ZNF565: variants seen among roughly 807,000 people sequenced by gnomAD.
ZNF565 encodes zinc finger protein 565.
In ZNF565, 27 loss-of-function variants were observed where a neutral mutation model predicts 39.4. The ratio of observed to expected loss-of-function variants is 0.69; its 90% CI spans 0.51 to 0.95. The LOEUF (loss-of-function observed/expected upper bound fraction) is 0.95, where lower values mean the gene tolerates loss of function less well. ZNF565 is among the 40% of genes least tolerant of loss of function. The probability of loss-of-function intolerance (pLI) is 0.00; values close to 1 mark genes in which losing one functional copy is unlikely to be tolerated. For synonymous variants in ZNF565, 185 were observed against 216.6 expected (o/e 0.85, Z 1.28); for missense variants, 524 against 621.1 (o/e 0.84, Z 1.66).
At chr19:36,226,311 G>T (rs531950263) in intron 1 of ZNF565, among the ~76,000 whole-genome samples, 1 of 152,222 alleles carries the variant, frequency 6.6e-6, no homozygotes, top group Middle Eastern at 3.4e-3. Flanking sequence ...TGTATGTTTC[G>T]GTTTAAATCA....
At chr19:36,219,060 G>T (rs533484165), upstream of ZNF565, among the ~76,000 whole-genome samples, 1 of 146,894 alleles carries the variant, frequency 6.8e-6, no homozygotes, top group Non-Finnish European at 1.5e-5. Flanking sequence ...CGCCCACCTC[G>T]GCCTCCCAAA....
rs554967963 is a variant in ZNF565 at position 36,202,410 on chromosome 19, A to C, written c.-65-360T>G. ...ACAAAACAACAACAACAACAACAAA[A>C]AAAAACTGCAGAGTTAAGAAAACCC... On this transcript the variant is annotated intron_variant, in intron 1 of 4. Transcript: ENST00000304116. Among the ~76,000 whole-genome samples the C allele has an allele frequency of 8.5e-3, 1,288 of 152,198 alleles. 9 individuals are homozygous for C. Among genetic ancestry groups the C allele is most frequent in the Non-Finnish European group, 0.012 (838 of 68,012 alleles).
At chr19:36,222,919 A>G (rs1170010298) in intron 1 of ZNF565, among the ~76,000 whole-genome samples, 3 of 150,068 alleles carry the variant, frequency 2.0e-5, no homozygotes, top group Non-Finnish European at 4.4e-5. Context: ...AGCCGTGCTT[A>G]GAATGAGCCC....
chr19:36,237,441 A>G (rs1373565187), intron 1 of ZNF565: 1 of 1,267,474 alleles, frequency 7.9e-7, no homozygotes, highest in Non-Finnish European at 1.1e-6. Context: ...ACAAGTACTA[A>G]AAACTTAAGG....
intron 1 of ZNF565, among the ~76,000 whole-genome samples, chr19:36,214,385 C>G (rs1460577455): frequency 6.6e-6 from 1 of 152,144 alleles, no homozygotes; most frequent in Non-Finnish European, 1.5e-5. Flanking sequence ...CGCAGTATCA[C>G]CCCCGGTCAC....
rs572344058 is a variant in ZNF565 at position 36,182,893 on chromosome 19, G to A, written c.1073C>T (p.Ser358Phe). 8.1e-6 allele frequency: 13 copies of A among 1,614,104 alleles called. No homozygotes were observed. In the South Asian group the frequency reaches 1.4e-4, roughly 18 times the overall value. The change falls in exon 5 of 5, where the codon TCT becomes TTT. Residue 358 changes from serine (S) to phenylalanine (F), a missense_variant. By Grantham distance (155) the Ser-to-Phe change is radical. Transcript: ENST00000304116. ...SEVTRHQRIH[S>F]GEKPYECKEC... ...CTTACACTCATAGGGTTTCTCCCCA[G>A]AATGAATTCTTTGATGTCGAGTAAC...
intron 3 of ZNF565, 41 bp from the exon 4 acceptor site, chr19:36,194,369 C>A: frequency 6.7e-7 from 1 of 1,495,828 alleles, no homozygotes; most frequent in Non-Finnish European, 9.1e-7. Context: ...CAGACCGCTC[C>A]AAAATCCAAA....
chr19:36,203,159 A>AC (rs989159748), intron 1 of ZNF565, among the ~76,000 whole-genome samples: 1 of 151,572 alleles, frequency 6.6e-6, no homozygotes, highest in Non-Finnish European at 1.5e-5. Flanking sequence ...ACATGGAGAA[A>AC]CCCCGTCTCA....
Position 36,182,654 on chromosome 19 carries a change from G to A in ZNF565, c.1312C>T (p.Gln438Ter), listed in dbSNP as rs745749169. 2 of 1,614,120 alleles carry A rather than the reference G, an allele frequency of 1.2e-6. No homozygotes were observed. Among genetic ancestry groups the A allele is most frequent in the Non-Finnish European group, 1.7e-6 (2 of 1,179,980 alleles). Residue 438 changes from glutamine (Q) to a stop codon, truncating the protein, a stop_gained, in exon 5 of 5, where the codon CAG becomes TAG. Coordinates refer to ENST00000304116, the MANE Select transcript of ZNF565 (RefSeq NM_152477.5). LOFTEE classifies it high-confidence loss of function. ...GGTTTCTCACAAGTGTGAATTCGCT[G>A]ATGATGAGTCAGTTGTGAAACACGA... Reference protein sequence around the residue: ...FIRVSQLTHHQRIHTCEKPYE... With the variant: ...FIRVSQLTHH
chr19:36,187,447 T>G (rs1378789705), intron 4 of ZNF565, among the ~76,000 whole-genome samples: 1 of 150,528 alleles, frequency 6.6e-6, no homozygotes, highest in East Asian at 2.0e-4. Context: ...TTGCAAGCTC[T>G]GCCTCCCGGA....
At chr19:36,236,541 A>G in intron 1 of ZNF565, 1 of 1,614,228 alleles carries the variant, frequency 6.2e-7, no homozygotes, top group Non-Finnish European at 8.5e-7. Context: ...CTCACTGAGC[A>G]TGAGCATTTT....
At chr19:36,221,729 ATGTCT>A (rs2145408216) in intron 1 of ZNF565, among the ~76,000 whole-genome samples, 1 of 151,734 alleles carries the variant, frequency 6.6e-6, no homozygotes, top group East Asian at 1.9e-4. Flanking sequence ...TTATGTAAAC[ATGTCT>A]TGTTTTTTTT....
chr19:36,236,223 A>G (rs1312975946), intron 1 of ZNF565: 2 of 511,332 alleles, frequency 3.9e-6, no homozygotes, highest in African/African-American at 2.0e-5. Context: ...TTCATTGAAT[A>G]TTAGAAAATT....
At chr19:36,199,532 G>C (rs1368905977) in intron 2 of ZNF565, among the ~76,000 whole-genome samples, 2 of 124,686 alleles carry the variant, frequency 1.6e-5, no homozygotes, top group Admixed American at 1.8e-4. Context: ...TTTTGAGACA[G>C]GGTCTAAGTC....
chr19:36,211,622 T>A (rs1216716452), intron 1 of ZNF565, among the ~76,000 whole-genome samples: 1 of 150,346 alleles, frequency 6.7e-6, no homozygotes, highest in African/African-American at 2.5e-5. Flanking sequence ...TGAAACCCCA[T>A]CTCTACTAAA....
At chr19:36,231,414 G>A (rs1399512159) in intron 1 of ZNF565, among the ~76,000 whole-genome samples, 3 of 152,114 alleles carry the variant, frequency 2.0e-5, no homozygotes, top group African/African-American at 4.8e-5. Context: ...TCACCATGTT[G>A]GCCAGGCTGG....
intron 1 of ZNF565, among the ~76,000 whole-genome samples, chr19:36,207,640 A>G (rs1192266031): frequency 6.6e-6 from 1 of 152,122 alleles, no homozygotes; most frequent in Non-Finnish European, 1.5e-5. Flanking sequence ...TGTGGAAGAC[A>G]TTACTATGTT....
In ZNF565 at chr19:36,183,007, G is replaced by A; in HGVS notation, c.959C>T (p.Ser320Leu). 1 of 1,614,168 alleles carries A rather than the reference G, an allele frequency of 6.2e-7. No homozygotes were observed. Among genetic ancestry groups the A allele is most frequent in the East Asian group, 2.2e-5 (1 of 44,882 alleles). Residue 320 changes from serine (S) to leucine (L), a missense_variant, in exon 5 of 5, where the codon TCA (serine) becomes TTA (leucine). By Grantham distance (145) the Ser-to-Leu change is moderately radical (BLOSUM62 -2). Coordinates refer to ENST00000304116, the MANE Select transcript of ZNF565 (RefSeq NM_152477.5). ...GATTCGCTGGTGTACAGTCAGCTGT[G>A]AGTGCTGTCTAAAGGCTTTCCCGCA... ...KECGKAFRQHSQLTVHQRIHT... is the reference protein window; with the variant it reads ...KECGKAFRQHLQLTVHQRIHT...
In ZNF565 at chr19:36,183,715, T is replaced by C; in HGVS notation, c.251A>G (p.Glu84Gly). The C allele has an allele frequency of 6.2e-7, 1 of 1,612,230 alleles. No individual in the cohort carries two copies. The change falls in exon 5 of 5, where the codon GAG becomes GGG. Residue 84 changes from glutamate to glycine, a missense_variant. Physicochemically the swap from Glu to Gly is moderately conservative, Grantham distance 98. Transcript: ENST00000304116. ...AAAAATGTCTTTTTGTAGAAATTTC[T>C]CACACCTGGACTCCAAGTCTGAAAA... is the stretch of plus-strand genomic sequence containing the variant. The part of the protein sequence containing the change: ...PWCPDLESRC[E>G]KFLQKDIFEI...
Sources: allele counts gnomAD v4.1 joint callset (sites outside exome capture counted in the v4.1 genomes callset), GRCh38; gene constraint gnomAD v4.1.1; transcripts MANE v1.5; gene names NCBI Gene and HGNC (gene_info 2026-07-23, HGNC 2026-07-21).